SSBP2: variants seen among roughly 807,000 people sequenced by gnomAD.
SSBP2 encodes single-stranded DNA-binding protein 2.
Under a neutral mutation model 61.8 loss-of-function variants are expected in SSBP2, and 17 were observed. That is an observed-to-expected ratio of 0.28 (90% CI 0.19 to 0.41). The LOEUF (loss-of-function observed/expected upper bound fraction) is 0.41, where lower values mean the gene tolerates loss of function less well. SSBP2 is among the 10% of genes least tolerant of loss of function. The pLI is 1.00. For synonymous variants in SSBP2, 139 were observed against 141.3 expected (o/e 0.98, Z 0.12); for missense variants, 310 against 458.7 (o/e 0.68, Z 2.96).
intron 15 of SSBP2, among the ~76,000 whole-genome samples, chr5:81,435,089 A>T (rs1762591097): frequency 6.6e-6 from 1 of 152,198 alleles, no homozygotes; most frequent in South Asian, 2.1e-4. Context: ...GATGCGTAGG[A>T]ACTCATTTGA....
At chr5:81,566,425 C>A (rs373986407) in intron 4 of SSBP2, among the ~76,000 whole-genome samples, 1 of 152,136 alleles carries the variant, frequency 6.6e-6, no homozygotes, top group Non-Finnish European at 1.5e-5. Context: ...TCTGCTTTTG[C>A]GTCTTCCTTA....
rs1561367784 is a variant in SSBP2 at position 81,416,359 on chromosome 5, A to G, written c.*4145T>C. The stretch of plus-strand genomic sequence containing the variant: ...TAATCAAGAAATGAAAATTGCAATT[A>G]TTTCTCCTGGGAAAACTACTCTTAG... On this transcript the variant is annotated 3_prime_UTR_variant, in exon 17 of 17. Coordinates refer to ENST00000320672, the MANE Select transcript of SSBP2 (RefSeq NM_012446.5). 6.6e-6 allele frequency: 1 copy of G among 152,260 alleles called. No homozygotes were observed. 9.4% of individuals were successfully genotyped at this position (152,260 alleles called of 1,614,324 possible).
At chr5:81,475,663 A>G (rs1488700973) in intron 6 of SSBP2, among the ~76,000 whole-genome samples, 1 of 152,034 alleles carries the variant, frequency 6.6e-6, no homozygotes, top group Non-Finnish European at 1.5e-5. Context: ...GCCAACCACT[A>G]AAAACAAGAC....
At chr5:81,575,035 C>T (rs1385924160) in intron 4 of SSBP2, among the ~76,000 whole-genome samples, 1 of 152,132 alleles carries the variant, frequency 6.6e-6, no homozygotes, top group Non-Finnish European at 1.5e-5. Flanking sequence ...TTTGGGAGGC[C>T]AAGGCAGGTG....
At chr5:81,496,380 A>T (rs1767279127) in intron 5 of SSBP2, among the ~76,000 whole-genome samples, 1 of 152,128 alleles carries the variant, frequency 6.6e-6, no homozygotes. Context: ...AGGTTTCACC[A>T]TGTTGGCCAG....
chr5:81,472,703 G>A (rs1374521775), intron 8 of SSBP2, among the ~76,000 whole-genome samples: 3 of 152,030 alleles, frequency 2.0e-5, no homozygotes, highest in African/African-American at 4.8e-5. Context: ...AGGTTTAAGC[G>A]ATTCTTCTGC....
At chr5:81,648,812 CTT>C (rs1561651091) in intron 2 of SSBP2, among the ~76,000 whole-genome samples, 1 of 151,840 alleles carries the variant, frequency 6.6e-6, no homozygotes. Context: ...GCCACAAAAA[CTT>C]TTAATAGCCA....
chr5:81,676,132 C>A (rs369090885), intron 1 of SSBP2, among the ~76,000 whole-genome samples: 1 of 152,196 alleles, frequency 6.6e-6, no homozygotes, highest in East Asian at 1.9e-4. Flanking sequence ...ACCATAGCCA[C>A]TCAGCTGCTC....
chr5:81,664,650 T>A (rs1374811200), intron 1 of SSBP2, among the ~76,000 whole-genome samples: 1 of 152,234 alleles, frequency 6.6e-6, no homozygotes, highest in Non-Finnish European at 1.5e-5. Context: ...AATACCATAC[T>A]GTTCGACAAC....
At chr5:81,562,811 C>T (rs1006889427) in intron 4 of SSBP2, among the ~76,000 whole-genome samples, 1 of 151,976 alleles carries the variant, frequency 6.6e-6, no homozygotes. Context: ...ACAAAAATAT[C>T]ATTAAAATAT....
chr5:81,492,218 T>C (rs1766906887), intron 5 of SSBP2, among the ~76,000 whole-genome samples: 1 of 152,162 alleles, frequency 6.6e-6, no homozygotes, highest in South Asian at 2.1e-4. Context: ...TCAAGAGTCT[T>C]TGGGCTGGGC....
At chr5:81,544,317 G>T (rs1299615309) in intron 4 of SSBP2, among the ~76,000 whole-genome samples, 1 of 152,166 alleles carries the variant, frequency 6.6e-6, no homozygotes, top group Non-Finnish European at 1.5e-5. Context: ...AAGGTGCTTG[G>T]ATTACAGACC....
intron 1 of SSBP2, among the ~76,000 whole-genome samples, chr5:81,684,863 T>C (rs1752657166): frequency 6.6e-6 from 1 of 152,016 alleles, no homozygotes; most frequent in African/African-American, 2.4e-5. Flanking sequence ...GAAGGGATAA[T>C]TGTATTTAGC....
chr5:81,529,730 T>C (rs1443720113), intron 4 of SSBP2, among the ~76,000 whole-genome samples: 1 of 152,068 alleles, frequency 6.6e-6, no homozygotes, highest in Non-Finnish European at 1.5e-5. Context: ...GAAGCAATGA[T>C]TTTGGAACTA....
intron 16 of SSBP2, among the ~76,000 whole-genome samples, chr5:81,421,689 T>A (rs1445811221): frequency 2.0e-5 from 3 of 152,208 alleles, no homozygotes; most frequent in Non-Finnish European, 4.4e-5. Context: ...TACCCTCATA[T>A]TCTTGGAGAA....
intron 1 of SSBP2, among the ~76,000 whole-genome samples, chr5:81,682,525 C>T (rs181475608): frequency 1.1e-4 from 17 of 152,200 alleles, no homozygotes; most frequent in Non-Finnish European, 1.8e-4. Flanking sequence ...GGGGAACTTC[C>T]TCAACTTGAT....
intron 1 of SSBP2, among the ~76,000 whole-genome samples, chr5:81,690,263 C>T (rs2153832901): frequency 6.6e-6 from 1 of 152,118 alleles, no homozygotes; most frequent in Non-Finnish European, 1.5e-5. Flanking sequence ...TCAATAATAA[C>T]ATTGAATGTA....
In SSBP2 at chr5:81,718,840, G is replaced by T. The variant is rs542575381; in HGVS notation, c.62+32141C>A. Reference sequence around the variant, plus strand: ...TTAGCTACAAGTAATGCCACTGCAAGTAAGTCTGTAACTTCTTTAACCATG... The same window carrying T: ...TTAGCTACAAGTAATGCCACTGCAATTAAGTCTGTAACTTCTTTAACCATG... On this transcript the variant is annotated intron_variant, in intron 1 of 16. Transcript: ENST00000320672. Among the ~76,000 whole-genome samples the T allele has an allele frequency of 3.9e-5, 6 of 152,292 alleles. No individual in the cohort carries two copies. The East Asian group carries it at 1.2e-3, about 29-fold the overall frequency.
At chr5:81,607,099 T>C (rs1342588036) in intron 4 of SSBP2, among the ~76,000 whole-genome samples, 1 of 152,186 alleles carries the variant, frequency 6.6e-6, no homozygotes, top group Non-Finnish European at 1.5e-5. Flanking sequence ...TCCTATTTCC[T>C]TTATGTATTT....
Sources: gnomAD v4.1 joint callset for allele counts (sites outside exome capture counted in the v4.1 genomes callset) on GRCh38, gnomAD v4.1.1 for gene constraint, MANE v1.5 for transcripts, NCBI Gene and HGNC (gene_info 2026-07-23, HGNC 2026-07-21) for gene names.